FRMPD4: variants seen among roughly 807,000 people sequenced by gnomAD.
FRMPD4 encodes the protein FERM and PDZ domain containing 4.
FRMPD4 carries 22 observed loss-of-function variants against 94.1 expected under a neutral mutation model. That is an observed-to-expected ratio of 0.23 (90% confidence interval 0.17 to 0.33). The LOEUF is 0.33. Among genes scored for constraint, FRMPD4 ranks in the 10% least tolerant of loss-of-function variants. The pLI is 1.00. For synonymous variants in FRMPD4, 631 were observed against 548.6 expected (o/e 1.15, Z -2.10); for missense variants, 1,111 against 1,339.9 (o/e 0.83, Z 2.67).
chrX:12,538,853 G>GA (rs201780848), intron 2 of FRMPD4, among the ~76,000 whole-genome samples: 2,126 of 110,943 alleles, frequency 0.019, 25 homozygotes, highest in Non-Finnish European at 0.03. Context: ...CAAAGATGGG[G>GA]AAAAAACATA....
At chrX:12,060,234 G>A (rs1201754472) in intron 3 of FRMPD4, among the ~76,000 whole-genome samples, 4 of 105,753 alleles carry the variant, frequency 3.8e-5, no homozygotes, top group Admixed American at 3.1e-4. Context: ...GTGTATAAAC[G>A]TTCCCTTTTC....
intron 1 of FRMPD4, among the ~76,000 whole-genome samples, chrX:12,334,381 A>G (rs1405308035): frequency 3.6e-5 from 4 of 110,987 alleles, no homozygotes; most frequent in East Asian, 2.8e-4. Context: ...AATCATCTCT[A>G]CCTCAATAAC....
At chrX:12,054,190 A>G (rs1319890853) in intron 3 of FRMPD4, among the ~76,000 whole-genome samples, 1 of 110,964 alleles carries the variant, frequency 9.0e-6, no homozygotes, top group Non-Finnish European at 1.9e-5. Context: ...TGGCCTTTCT[A>G]CTTCTGCAGT....
intron 2 of FRMPD4, among the ~76,000 whole-genome samples, chrX:12,511,874 G>A (rs948508848): frequency 3.6e-5 from 4 of 112,480 alleles, no homozygotes; most frequent in Non-Finnish European, 7.5e-5. Flanking sequence ...CAAAGACAAA[G>A]AATCTTGAAA....
rs1293242648 is a variant in FRMPD4, at chrX:12,622,027, G to A, written c.422+7146G>A. On this transcript the variant is annotated intron_variant, in intron 4 of 16. Transcript: ENST00000675598. Reference sequence around the variant, plus strand: ...GAAAGAAAGAAAGAAAGGAAGGAAGGAAGGAAGGAAGGAAGGAAGGAAGGA... The same window carrying A: ...GAAAGAAAGAAAGAAAGGAAGGAAGAAAGGAAGGAAGGAAGGAAGGAAGGA... Among the ~76,000 whole-genome samples the A allele has an allele frequency of 2.0e-3, 83 of 42,135 alleles. 1 individual carries two copies. Among genetic ancestry groups the A allele is most frequent in the African/African-American group, 6.7e-3 (42 of 6,240 alleles). The allele number at this position is 42,135 out of a possible 115,157, so 36.6% of individuals were successfully genotyped here.
At chrX:12,180,734 G>T (rs993380490) in intron 1 of FRMPD4, among the ~76,000 whole-genome samples, 8 of 112,504 alleles carry the variant, frequency 7.1e-5, no homozygotes, top group African/African-American at 2.3e-4. Context: ...AGCTTCTGTT[G>T]TAATTACCCA....
At chrX:12,235,834 C>T (rs1019501808) in intron 1 of FRMPD4, among the ~76,000 whole-genome samples, 2 of 112,089 alleles carry the variant, frequency 1.8e-5, no homozygotes, top group Non-Finnish European at 3.8e-5. Context: ...TTCACTTGGA[C>T]AAGTTACTTT....
At chrX:12,605,679 T>A (rs887119085) in intron 2 of FRMPD4, among the ~76,000 whole-genome samples, 3 of 111,343 alleles carry the variant, frequency 2.7e-5, no homozygotes, top group African/African-American at 9.8e-5. Flanking sequence ...AGATTGTTCC[T>A]GGGCAGGTTC....
chrX:12,108,200 G>A (rs1192201924), intron 3 of FRMPD4, among the ~76,000 whole-genome samples: 5 of 111,890 alleles, frequency 4.5e-5, no homozygotes, highest in Non-Finnish European at 7.5e-5. Flanking sequence ...ACAAAGGGAA[G>A]CCCATCAGAC....
chrX:12,482,588 T>G (rs1395982095), intron 1 of FRMPD4, among the ~76,000 whole-genome samples: 1 of 111,697 alleles, frequency 9.0e-6, no homozygotes, highest in East Asian at 2.8e-4. Flanking sequence ...GCACCTGACT[T>G]TGCCCCAAGG....
At chrX:12,356,609 A>C (rs1255760586) in intron 1 of FRMPD4, among the ~76,000 whole-genome samples, 1 of 111,912 alleles carries the variant, frequency 8.9e-6, no homozygotes, top group Non-Finnish European at 1.9e-5. Context: ...CTATAACAAA[A>C]ACCACTCAAT....
intron 3 of FRMPD4, among the ~76,000 whole-genome samples, chrX:12,131,534 G>A (rs1312006433): frequency 1.8e-5 from 2 of 111,798 alleles, no homozygotes; most frequent in Non-Finnish European, 3.8e-5. Context: ...TACAGATTTG[G>A]GAATGGTACC....
chrX:12,035,831 T>A (rs1054564063), intron 3 of FRMPD4, among the ~76,000 whole-genome samples: 9 of 111,885 alleles, frequency 8.0e-5, no homozygotes, highest in African/African-American at 2.9e-4. Context: ...TATCAACTTC[T>A]ACTTAAATCT....
chrX:12,074,040 T>C (rs1339820444), intron 3 of FRMPD4, among the ~76,000 whole-genome samples: 1 of 112,277 alleles, frequency 8.9e-6, no homozygotes, highest in Admixed American at 9.5e-5. Context: ...CTAAATTTTC[T>C]TACTAATTTG....
intron 2 of FRMPD4, among the ~76,000 whole-genome samples, chrX:12,531,594 C>T (rs758017991): frequency 1.8e-5 from 2 of 111,691 alleles, no homozygotes; most frequent in South Asian, 3.8e-4. Flanking sequence ...ATTGTTGATC[C>T]ATGAACCACA....
chrX:12,422,188 C>T (rs2056892301), intron 1 of FRMPD4, among the ~76,000 whole-genome samples: 1 of 112,047 alleles, frequency 8.9e-6, no homozygotes, highest in Non-Finnish European at 1.9e-5. Flanking sequence ...TTATCTGGTA[C>T]ATTTCCCTTG....
intron 2 of FRMPD4, among the ~76,000 whole-genome samples, chrX:12,550,235 T>G (rs1000401856): frequency 1.8e-5 from 2 of 111,159 alleles, no homozygotes; most frequent in Non-Finnish European, 3.8e-5. Context: ...GTGGCAGGTA[T>G]GTAGATAGAG....
intron 1 of FRMPD4, among the ~76,000 whole-genome samples, chrX:12,301,828 CTG>C (rs1200330073): frequency 8.9e-6 from 1 of 111,902 alleles, no homozygotes; most frequent in Non-Finnish European, 1.9e-5. Flanking sequence ...AATATCAACT[CTG>C]TAGCCTTGGA....
chrX:12,300,943 C>CATCTATGTAAAGA (rs1364157256), intron 1 of FRMPD4, among the ~76,000 whole-genome samples: 2 of 112,050 alleles, frequency 1.8e-5, no homozygotes, highest in Admixed American at 9.5e-5. Flanking sequence ...AACCTTAACA[C>CATCTATGTAAAGA]ATCTCCAGCT....
Sources: gnomAD v4.1 joint callset for allele counts (sites outside exome capture counted in the v4.1 genomes callset) on GRCh38, gnomAD v4.1.1 for gene constraint, MANE v1.5 for transcripts, NCBI Gene and HGNC (gene_info 2026-07-23, HGNC 2026-07-21) for gene names.